NELL1: variants seen among roughly 807,000 people sequenced by gnomAD.
NELL1 encodes the protein protein kinase C-binding protein NELL1.
A neutral mutation model predicts 107.4 loss-of-function variants in NELL1; 76 were observed. The ratio of observed to expected loss-of-function variants is 0.71; its 90% CI spans 0.59 to 0.86. The LOEUF (loss-of-function observed/expected upper bound fraction) is 0.86. NELL1 is among the 40% of genes least tolerant of loss of function. NELL1 has a pLI of 0.00. For synonymous variants in NELL1, 353 were observed against 341.2 expected (o/e 1.03, Z -0.38); for missense variants, 1,024 against 1,005.5 (o/e 1.02, Z -0.25).
At position 21,069,030 on chromosome 11, in the gene NELL1, G is replaced by A. The variant is rs544152587; in HGVS notation, c.1301-44559G>A. Among the ~76,000 whole-genome samples, 433 of 152,246 alleles carry A rather than the reference G, an allele frequency of 2.8e-3. 5 individuals carry two copies. Among genetic ancestry groups the A allele is most frequent in the African/African-American group, 9.8e-3 (409 of 41,554 alleles). On this transcript the variant is annotated intron_variant, in intron 12 of 19. Transcript: ENST00000357134. The stretch of plus-strand genomic sequence containing the variant: ...ATCCTACAGAATACAACCAGACACT[G>A]CTTTTCATTCAGAATTTTCTTTCTT...
At chr11:21,027,675 T>G (rs1354666516) in intron 12 of NELL1, among the ~76,000 whole-genome samples, 2 of 152,038 alleles carry the variant, frequency 1.3e-5, no homozygotes, top group East Asian at 3.8e-4. Flanking sequence ...GGTTCTGGGA[T>G]TCTTCAAATA....
intron 2 of NELL1, among the ~76,000 whole-genome samples, chr11:20,779,408 A>T (rs1046014749): frequency 6.6e-6 from 1 of 152,142 alleles, no homozygotes; most frequent in Non-Finnish European, 1.5e-5. Context: ...CAGGTTTCTA[A>T]CTTGCTCTCT....
chr11:20,918,056 C>G, intron 5 of NELL1, 126 bp from the exon 6 acceptor site: 2 of 690,034 alleles, frequency 2.9e-6, no homozygotes, highest in South Asian at 3.4e-5. Context: ...CTAAGGCCAG[C>G]TCACCCTTTG....
intron 16 of NELL1, among the ~76,000 whole-genome samples, chr11:21,542,630 G>A (rs1856318670): frequency 6.6e-6 from 1 of 151,830 alleles, no homozygotes; most frequent in Admixed American, 6.6e-5. Context: ...GATATCCACT[G>A]ATGTCATTAC....
chr11:21,524,038 T>C (rs966619408), intron 15 of NELL1, among the ~76,000 whole-genome samples: 3 of 152,172 alleles, frequency 2.0e-5, no homozygotes, highest in Non-Finnish European at 4.4e-5. Flanking sequence ...CAACTCAGTA[T>C]GTTTTTTCTT....
intron 13 of NELL1, among the ~76,000 whole-genome samples, chr11:21,156,358 G>C (rs769104300): frequency 2.0e-5 from 3 of 152,180 alleles, no homozygotes; most frequent in African/African-American, 4.8e-5. Context: ...AGTAGAGAAG[G>C]TTAACAACAG....
In NELL1 at chr11:20,739,712, C is replaced by G. The variant is rs536286163; in HGVS notation, c.185-43968C>G. Among the ~76,000 whole-genome samples the G allele has an allele frequency of 2.6e-5, 4 of 152,278 alleles. No homozygotes were observed. In the South Asian group the frequency reaches 8.3e-4, roughly 32 times the overall value. ...TGTTAATGGACATGTTCCCGCACTG[C>G]CATTCCCTGGGCAGAGAGACAAAGT... On this transcript the variant is annotated intron_variant, in intron 2 of 19. Coordinates refer to ENST00000357134, the MANE Select transcript of NELL1 (RefSeq NM_006157.5).
chr11:21,468,531 T>A (rs952031443), intron 15 of NELL1, among the ~76,000 whole-genome samples: 1 of 152,058 alleles, frequency 6.6e-6, no homozygotes, highest in Non-Finnish European at 1.5e-5. Flanking sequence ...AAAAAAGGTA[T>A]GAGCATGCCT....
intron 14 of NELL1, among the ~76,000 whole-genome samples, chr11:21,325,847 T>C (rs2133675967): frequency 6.6e-6 from 1 of 152,112 alleles, no homozygotes; most frequent in South Asian, 2.1e-4. Context: ...CAATAATTTT[T>C]CCTGTCCTAG....
chr11:20,678,651 G>C (rs941312282), intron 2 of NELL1, among the ~76,000 whole-genome samples: 1 of 152,180 alleles, frequency 6.6e-6, no homozygotes, highest in Admixed American at 6.5e-5. Flanking sequence ...GGTACTTAGT[G>C]GGGGCTGGCT....
intron 5 of NELL1, among the ~76,000 whole-genome samples, chr11:20,893,658 G>A (rs903596006): frequency 6.6e-6 from 1 of 150,634 alleles, no homozygotes; most frequent in Admixed American, 6.6e-5. Context: ...CCCAAAATAA[G>A]GTAAGAAGAG....
chr11:20,736,319 TG>T (rs1482982460), intron 2 of NELL1, among the ~76,000 whole-genome samples: 1 of 152,192 alleles, frequency 6.6e-6, no homozygotes, highest in Non-Finnish European at 1.5e-5. Context: ...TTCTCCTATA[TG>T]GGCTACTCCT....
chr11:21,221,638 A>G (rs1056982372), intron 13 of NELL1, among the ~76,000 whole-genome samples: 1 of 151,950 alleles, frequency 6.6e-6, no homozygotes, highest in African/African-American at 2.4e-5. Context: ...AAATTCATCT[A>G]TTTGCTCTAG....
At chr11:20,749,090 G>A (rs934929456) in intron 2 of NELL1, among the ~76,000 whole-genome samples, 6 of 150,558 alleles carry the variant, frequency 4.0e-5, no homozygotes, top group Non-Finnish European at 7.4e-5. Context: ...AGAAACAGAC[G>A]TTAAATGATT....
chr11:21,341,319 C>T (rs780464049), intron 14 of NELL1, among the ~76,000 whole-genome samples: 3 of 152,184 alleles, frequency 2.0e-5, no homozygotes, highest in Admixed American at 1.3e-4. Context: ...AAACTATTGA[C>T]TATGAGAAAT....
At chr11:21,523,718 G>A (rs1855782901) in intron 15 of NELL1, among the ~76,000 whole-genome samples, 1 of 151,936 alleles carries the variant, frequency 6.6e-6, no homozygotes, top group African/African-American at 2.4e-5. Flanking sequence ...CTCAAACCAG[G>A]TAGTTAACTA....
At chr11:21,132,140 A>G (rs1159150658) in intron 13 of NELL1, among the ~76,000 whole-genome samples, 1 of 152,180 alleles carries the variant, frequency 6.6e-6, no homozygotes, top group Non-Finnish European at 1.5e-5. Flanking sequence ...GTGCAATGAT[A>G]ACAGGTTCCA....
chr11:20,909,692 C>A (rs552509850), intron 5 of NELL1, among the ~76,000 whole-genome samples: 2 of 152,160 alleles, frequency 1.3e-5, no homozygotes, highest in African/African-American at 4.8e-5. Flanking sequence ...GCAACCTTCT[C>A]TCATGCCATT....
chr11:21,106,238 C>T (rs1023061881), intron 12 of NELL1, among the ~76,000 whole-genome samples: 1 of 152,024 alleles, frequency 6.6e-6, no homozygotes, highest in Admixed American at 6.6e-5. Context: ...AACTCCTCTC[C>T]TGGCAGTCCA....
Sources: gnomAD v4.1 joint callset for allele counts (sites outside exome capture counted in the v4.1 genomes callset) on GRCh38, gnomAD v4.1.1 for gene constraint, MANE v1.5 for transcripts, NCBI Gene and HGNC (gene_info 2026-07-23, HGNC 2026-07-21) for gene names.